The following CNBP variants were observed in gnomAD, a reference collection of about 807,000 sequenced individuals.
CNBP encodes CCHC-type zinc finger nucleic acid binding protein.
A neutral mutation model predicts 21.2 loss-of-function variants in CNBP; 6 were observed. The ratio of observed to expected loss-of-function variants is 0.28; its 90% CI spans 0.16 to 0.56. The LOEUF (loss-of-function observed/expected upper bound fraction) is 0.56, where lower values mean the gene tolerates loss of function less well. Ranked by LOEUF, CNBP falls within the 20% of genes least tolerant of loss-of-function variation. The pLI, the probability that CNBP is intolerant of heterozygous loss-of-function variation, is 0.93. For missense variants in CNBP, 112 were observed against 233.1 expected, an observed-to-expected ratio of 0.48 and a Z score of 3.38; for synonymous variants, 61 against 74.9, an observed-to-expected ratio of 0.81 and a Z score of 0.96.
intron 1 of CNBP, among the ~76,000 whole-genome samples, chr3:129,175,560 G>A (rs1937847740): frequency 6.6e-6 from 1 of 151,256 alleles, no homozygotes; most frequent in African/African-American, 2.4e-5. Flanking sequence ...CTCCCACATA[G>A]CTGGGACTAC....
At chr3:129,172,646 AGGCAGGCAGG>A (rs1937617951) in intron 1 of CNBP, among the ~76,000 whole-genome samples, 92 of 109,836 alleles carry the variant, frequency 8.4e-4, no homozygotes, top group South Asian at 2.2e-3. Context: ...GCAGGCAGGC[AGGCAGGCAGG>A]CAGACAGACA....
At chr3:129,178,821 C>G (rs554804380) in intron 1 of CNBP, among the ~76,000 whole-genome samples, 1 of 151,802 alleles carries the variant, frequency 6.6e-6, no homozygotes, top group African/African-American at 2.4e-5. Flanking sequence ...CGGCTCACTG[C>G]AAGCTCCACC....
rs1937506663 is a variant in CNBP at position 129,168,526 on chromosome 3, TGGGGGTG to T, written c.*1920_*1926del. Among the ~76,000 whole-genome samples the T allele has an allele frequency of 1.6e-4, 2 of 12,814 alleles. No individual in the cohort carries two copies. The highest frequency in any genetic ancestry group is 2.8e-4 in the Non-Finnish European group (2 of 7,058). The allele number at this position is 12,814 out of a possible 152,430, so 8.4% of individuals were successfully genotyped here. A position where few individuals can be genotyped will look rare whatever the true frequency, so the allele number is the denominator to read the frequency against. On this transcript the variant is annotated 3_prime_UTR_variant, in exon 5 of 5. Coordinates refer to ENST00000422453, the MANE Select transcript of CNBP (RefSeq NM_003418.5). ...GCAGGAGAATTACTTGAACGGGGTG[TGGGGGTG>T]GGGGGTGGAGGTTGCAGTGAGCTGA...
rs1382496347 is a variant in CNBP at position 129,168,432 on chromosome 3, C to A, written c.*2021G>T. 4.2e-5 allele frequency among the ~76,000 whole-genome samples: 6 copies of A among 143,660 alleles called. No individual in the cohort carries two copies. Among genetic ancestry groups the A allele is most frequent in the Non-Finnish European group, 9.0e-5 (6 of 66,742 alleles). 94.2% of individuals were successfully genotyped at this position (143,660 alleles called of 152,430 possible). On this transcript the variant is annotated 3_prime_UTR_variant, in exon 5 of 5. Transcript: ENST00000422453. ...CCAACACAGTGAAACCCCATCTCTA[C>A]TAAAAATAACAAAAATTAGCTGGGT... is the stretch of plus-strand genomic sequence containing the variant.
At chr3:129,177,503 T>G (rs1009490339) in intron 1 of CNBP, among the ~76,000 whole-genome samples, 10 of 152,262 alleles carry the variant, frequency 6.6e-5, no homozygotes, top group African/African-American at 2.4e-4. Flanking sequence ...ATATTCAATT[T>G]AAAAACCAAA....
rs1007472450 is a variant in CNBP, at chr3:129,169,593, G to A, written c.*860C>T. 5 of 208,500 alleles carry A rather than the reference G, an allele frequency of 2.4e-5. No individual in the cohort carries two copies. Among genetic ancestry groups the A allele is most frequent in the Admixed American group, 2.4e-4 (4 of 16,914 alleles). 12.9% of individuals were successfully genotyped at this position (208,500 alleles called of 1,614,324 possible). On this transcript the variant is annotated 3_prime_UTR_variant, in exon 5 of 5. Transcript: ENST00000422453. ...TAGTCAAACTCCCCTTCCTCCTCCA[G>A]CTTTATTGGAATAGTTTAAAATTAC...
chr3:129,170,743 A>G (rs1937553156), intron 4 of CNBP, among the ~76,000 whole-genome samples, 173 bp from the exon 5 acceptor site: 3 of 152,226 alleles, frequency 2.0e-5, no homozygotes, highest in African/African-American at 4.8e-5. Flanking sequence ...TACATGTCAC[A>G]AACAGGCAAA....
rs765419161 is a variant in CNBP, at chr3:129,171,436, A to G, written c.217+10T>C. The stretch of plus-strand genomic sequence containing the variant: ...TAGAGGGGTATGAAAAGGAAGTGTT[A>G]AATACTTACCATCCTCCTGAAGATC... On this transcript the variant is annotated intron_variant, in intron 3 of 4. Coordinates refer to ENST00000422453, the MANE Select transcript of CNBP (RefSeq NM_003418.5). 6 of 1,611,654 alleles carry G rather than the reference A, an allele frequency of 3.7e-6. No homozygotes were observed. In the South Asian group the frequency reaches 5.5e-5, roughly 15 times the overall value.
chr3:129,176,321 C>A (rs187980036), intron 1 of CNBP, among the ~76,000 whole-genome samples: 5 of 152,276 alleles, frequency 3.3e-5, no homozygotes, highest in Admixed American at 3.3e-4. Flanking sequence ...ATAAAAGAAT[C>A]TGACTACATC....
chr3:129,180,957 T>C (rs977932874), intron 1 of CNBP, among the ~76,000 whole-genome samples: 3 of 151,960 alleles, frequency 2.0e-5, no homozygotes, highest in African/African-American at 7.3e-5. Context: ...GTAGAATTGT[T>C]GGCAAGGCAC....
chr3:129,173,956 T>C (rs1937709740), intron 1 of CNBP, among the ~76,000 whole-genome samples: 1 of 152,210 alleles, frequency 6.6e-6, no homozygotes, highest in Non-Finnish European at 1.5e-5. Flanking sequence ...AATCATTAAC[T>C]TGTGGACAAA....
At chr3:129,171,391 G>A (rs967611093) in intron 3 of CNBP, 55 bp downstream of exon 3, 1 of 1,583,648 alleles carries the variant, frequency 6.3e-7, no homozygotes, top group Admixed American at 1.7e-5. Flanking sequence ...ACAGTTGCAT[G>A]TGCTCACCTC....
chr3:129,178,898 A>C (rs1040168008), intron 1 of CNBP, among the ~76,000 whole-genome samples: 5 of 151,896 alleles, frequency 3.3e-5, no homozygotes, highest in African/African-American at 7.3e-5. Context: ...GCCCACCACG[A>C]CGCCTGGCTA....
Position 129,170,481 on chromosome 3 carries a change from C to T in CNBP, c.506G>A (p.Arg169Gln), listed in dbSNP as rs774110208. 1 of 1,614,108 alleles carries T rather than the reference C, an allele frequency of 6.2e-7. No individual in the cohort carries two copies. Among genetic ancestry groups the T allele is most frequent in the Non-Finnish European group, 8.5e-7 (1 of 1,179,972 alleles). Residue 169 changes from arginine to glutamine, a missense_variant, in exon 5 of 5, where the codon CGG becomes CAG. Physicochemically the swap from Arg to Gln is conservative, Grantham distance 43 (BLOSUM62 1). Transcript: ENST00000422453. ...GGCTGTAGCCTCAATTGTGCATTCC[C>T]GTGCAAGGTGCCCTGACTCGCCACA... ...YRCGESGHLA[R>Q]ECTIEATA
chr3:129,180,541 T>TTTA (rs1938219641), intron 1 of CNBP, among the ~76,000 whole-genome samples: 1 of 152,232 alleles, frequency 6.6e-6, no homozygotes, highest in East Asian at 1.9e-4. Context: ...CTCACTTTAT[T>TTTA]ATCTCAGTAG....
At position 129,169,728 on chromosome 3, in the gene CNBP, T is replaced by TCG. The variant is rs1437636407; in HGVS notation, c.*724_*725insCG. Reference sequence around the variant, plus strand: ...GATATAGTATACAAAAATAACATCTTGATTTCTGTGAAAATGCATTTCTCT... The same window carrying TCG: ...GATATAGTATACAAAAATAACATCTTCGGATTTCTGTGAAAATGCATTTCTCT... On this transcript the variant is annotated 3_prime_UTR_variant, in exon 5 of 5. Transcript: ENST00000422453. The TCG allele has an allele frequency of 9.2e-6, 2 of 217,122 alleles. No homozygotes were observed. Among genetic ancestry groups the TCG allele is most frequent in the Non-Finnish European group, 1.9e-5 (2 of 107,838 alleles). The allele number at this position is 217,122 out of a possible 1,614,324, so 13.4% of individuals were successfully genotyped here. A position where few individuals can be genotyped will look rare whatever the true frequency, so the allele number is the denominator to read the frequency against.
chr3:129,180,300 A>C lies in CNBP; in HGVS notation c.-15+3476T>G, dbSNP rs10934872. Among the ~76,000 whole-genome samples, 1,539 of 152,346 alleles carry C rather than the reference A, an allele frequency of 0.01. 94 individuals are homozygous for C. In the East Asian group the frequency reaches 0.17, roughly 17 times the overall value. Reference sequence around the variant, plus strand: ...AGCTTTTTAAAAGATCTACAGTCATAATAATTTTGAATTCATTCACACAGC... The same window carrying C: ...AGCTTTTTAAAAGATCTACAGTCATCATAATTTTGAATTCATTCACACAGC... On this transcript the variant is annotated intron_variant, in intron 1 of 4. Coordinates refer to ENST00000422453, the MANE Select transcript of CNBP (RefSeq NM_003418.5).
intron 1 of CNBP, among the ~76,000 whole-genome samples, chr3:129,177,597 A>G (rs1938001077): frequency 6.6e-6 from 1 of 152,216 alleles, no homozygotes; most frequent in Admixed American, 6.5e-5. Context: ...ACTCAGTCCA[A>G]TGTCTATTAC....
At chr3:129,175,923 T>A (rs1937873980) in intron 1 of CNBP, among the ~76,000 whole-genome samples, 4 of 152,200 alleles carry the variant, frequency 2.6e-5, no homozygotes, top group Admixed American at 2.0e-4. Context: ...TCCCTTTGGC[T>A]AACCCTATCG....
Sources: gnomAD v4.1 joint callset for allele counts (sites outside exome capture counted in the v4.1 genomes callset) on GRCh38, gnomAD v4.1.1 for gene constraint, MANE v1.5 for transcripts, NCBI Gene and HGNC (gene_info 2026-07-23, HGNC 2026-07-21) for gene names.